BIRC5: variants seen among roughly 807,000 people sequenced by gnomAD.
BIRC5 encodes the protein baculoviral IAP repeat-containing protein 5.
BIRC5 carries 8 observed loss-of-function variants against 15.8 expected under a neutral mutation model. The ratio of observed to expected loss-of-function variants is 0.51; its 90% CI spans 0.30 to 0.91. The LOEUF (loss-of-function observed/expected upper bound fraction) is 0.91, where lower values mean the gene tolerates loss of function less well. Ranked by LOEUF, BIRC5 falls within the 40% of genes least tolerant of loss-of-function variation. BIRC5 has a pLI of 0.07. For missense variants in BIRC5, 163 were observed against 178.6 expected, an observed-to-expected ratio of 0.91 and a Z score of 0.50; for synonymous variants, 56 against 64.5, an observed-to-expected ratio of 0.87 and a Z score of 0.63.
At chr17:78,221,462 T>G (rs2076515082) in intron 3 of BIRC5, among the ~76,000 whole-genome samples, 1 of 152,128 alleles carries the variant, frequency 6.6e-6, no homozygotes, top group Non-Finnish European at 1.5e-5. Context: ...AATCTCACTC[T>G]GTCGCCCAGG....
At chr17:78,223,044 GACT>G in intron 3 of BIRC5, 2 of 589,296 alleles carry the variant, frequency 3.4e-6, no homozygotes, top group Admixed American at 1.7e-4. Context: ...GGGGTGCCTA[GACT>G]AGCTGGGGTG....
intron 3 of BIRC5, among the ~76,000 whole-genome samples, chr17:78,218,856 C>T (rs549568290): frequency 6.6e-6 from 1 of 152,218 alleles, no homozygotes; most frequent in South Asian, 2.1e-4. Context: ...ATCTGCCTGC[C>T]TCGGCCTCCC....
In BIRC5 at chr17:78,221,057, C is replaced by T. The variant is rs576987099; in HGVS notation, c.340-2408C>T. 5.3e-5 allele frequency among the ~76,000 whole-genome samples: 8 copies of T among 152,352 alleles called. No homozygotes were observed. In the South Asian group the frequency reaches 1.7e-3, roughly 32 times the overall value. On this transcript the variant is annotated intron_variant, in intron 3 of 3. Coordinates refer to ENST00000350051, the MANE Select transcript of BIRC5 (RefSeq NM_001168.3). ...CATTGGGCGCTGATTCTTGTTCCTG[C>T]TGCTGCCTCGGTGCTTAGCTTTTGA...
chr17:78,220,766 G>C (rs1458312234), intron 3 of BIRC5, among the ~76,000 whole-genome samples: 2 of 152,054 alleles, frequency 1.3e-5, no homozygotes, highest in Non-Finnish European at 2.9e-5. Flanking sequence ...CTGTCACCCA[G>C]GCTGAGTGCA....
intron 3 of BIRC5, among the ~76,000 whole-genome samples, chr17:78,222,053 T>A (rs1470803700): frequency 6.6e-6 from 1 of 151,840 alleles, no homozygotes; most frequent in Non-Finnish European, 1.5e-5. Context: ...CACAAAAAAT[T>A]AGCCAGGCAT....
chr17:78,218,787 A>G lies in BIRC5; in HGVS notation c.339+2006A>G, dbSNP rs145544639. ...CTGGCTAATTTTTTTTGGTATTTTTATTAGAGACAAGGTTTCATCATGTTG... is the reference window on the plus strand; with the variant it reads ...CTGGCTAATTTTTTTTGGTATTTTTGTTAGAGACAAGGTTTCATCATGTTG... On this transcript the variant is annotated intron_variant, in intron 3 of 3. Transcript: ENST00000350051. 4.7e-3 allele frequency among the ~76,000 whole-genome samples: 711 copies of G among 151,498 alleles called. 2 individuals carry two copies. The highest frequency in any genetic ancestry group is 8.1e-3 in the Non-Finnish European group (548 of 67,852).
rs769924826 is a variant in BIRC5, at chr17:78,216,761, G to C, written c.319G>C (p.Glu107Gln). Residue 107 changes from glutamate to glutamine, a missense_variant, in exon 3 of 4, where the codon GAA (glutamate) becomes CAA (glutamine). Glu to Gln is a conservative substitution (Grantham distance 29, BLOSUM62 2). Transcript: ENST00000350051. ...TLGEFLKLDR[E>Q]RAKNKIAKET... is the part of the protein sequence containing the mutation. ...TGGTGAATTTTTGAAACTGGACAGA[G>C]AAAGAGCCAAGAACAAAATTGTATG... 1 of 1,613,664 alleles carries C rather than the reference G, an allele frequency of 6.2e-7. No individual in the cohort carries two copies. Among genetic ancestry groups the C allele is most frequent in the Non-Finnish European group, 8.5e-7 (1 of 1,179,814 alleles).
rs900576494 is a variant in BIRC5 at position 78,224,348 on chromosome 17, G to A, written c.*794G>A. ...TGATTAGACAGGCCCAGTGAGCCGC[G>A]GGGCACATGCTGGCCGCTCCTCCCT... On this transcript the variant is annotated 3_prime_UTR_variant, in exon 4 of 4. Transcript: ENST00000350051. 1.3e-5 allele frequency: 2 copies of A among 152,188 alleles called. No homozygotes were observed. The highest frequency in any genetic ancestry group is 2.9e-5 in the Non-Finnish European group (2 of 68,062). The allele number at this position is 152,188 out of a possible 1,614,324, so 9.4% of individuals were successfully genotyped here.
chr17:78,215,238 G>A (rs17886304), intron 2 of BIRC5: 11,999 of 156,942 alleles, frequency 0.076, 664 homozygotes, highest in Middle Eastern at 0.2. Context: ...CCAACTTGGC[G>A]AAACCCCGTC....
Position 78,219,369 on chromosome 17 carries a change from GA to G in BIRC5, c.339+2589del, listed in dbSNP as rs1426769111. 3.3e-5 allele frequency among the ~76,000 whole-genome samples: 5 copies of G among 152,238 alleles called. No individual in the cohort carries two copies. The East Asian group carries it at 9.7e-4, about 29-fold the overall frequency. ...CCAGCTAACTTTTGTATTTTTAGTA[GA>G]GACAGGGTTTTGCCATGTTGGCTAA... is the stretch of plus-strand genomic sequence containing the variant. On this transcript the variant is annotated intron_variant, in intron 3 of 3. Transcript: ENST00000350051.
Position 78,224,927 on chromosome 17 carries a change from C to A in BIRC5, c.*1373C>A, listed in dbSNP as rs2661694. On this transcript the variant is annotated 3_prime_UTR_variant, in exon 4 of 4. Coordinates refer to ENST00000350051, the MANE Select transcript of BIRC5 (RefSeq NM_001168.3). Reference sequence around the variant, plus strand: ...AAATGCACTTCAGACCCACTTATTTCTGCCACATCTGAGTCGGCCTGAGAT... The same window carrying A: ...AAATGCACTTCAGACCCACTTATTTATGCCACATCTGAGTCGGCCTGAGAT... 0.23 allele frequency: 34,434 copies of A among 152,112 alleles called. 4,273 individuals carry two copies. Among genetic ancestry groups the A allele is most frequent in the Non-Finnish European group, 0.28 (18,970 of 67,972 alleles). The allele number at this position is 152,112 out of a possible 1,614,324, so 9.4% of individuals were successfully genotyped here.
chr17:78,218,266 C>CTTTA (rs144831740), intron 3 of BIRC5, among the ~76,000 whole-genome samples: 3,048 of 150,450 alleles, frequency 0.02, 42 homozygotes, highest in African/African-American at 0.038. Flanking sequence ...TGTAACTGGG[C>CTTTA]TTTATTTATT....
At chr17:78,218,046 A>C (rs2661690) in intron 3 of BIRC5, among the ~76,000 whole-genome samples, 50,451 of 151,018 alleles carry the variant, frequency 0.33, 8,808 homozygotes, top group Middle Eastern at 0.48. Context: ...CCTGAGCTCA[A>C]GGGATCCTTT....
chr17:78,218,639 G>A (rs1266988289), intron 3 of BIRC5, among the ~76,000 whole-genome samples: 2 of 146,934 alleles, frequency 1.4e-5, no homozygotes, highest in Admixed American at 1.4e-4. Flanking sequence ...GCCTTGCTCT[G>A]TCGCCCAGGC....
At chr17:78,214,889 C>T (rs1195724167) in intron 2 of BIRC5, 100 bp downstream of exon 2, 12 of 1,106,876 alleles carry the variant, frequency 1.1e-5, no homozygotes, top group Middle Eastern at 1.9e-4. Context: ...TTGCTTTCCA[C>T]CCTCATTGCT....
rs1431619815 is a variant in BIRC5, at chr17:78,225,179, G to A, written c.*1625G>A. 3 of 152,010 alleles carry A rather than the reference G, an allele frequency of 2.0e-5. No homozygotes were observed. The highest frequency in any genetic ancestry group is 2.9e-5 in the Non-Finnish European group (2 of 67,986). The allele number at this position is 152,010 out of a possible 1,614,324, so 9.4% of individuals were successfully genotyped here. On this transcript the variant is annotated 3_prime_UTR_variant, in exon 4 of 4. Coordinates refer to ENST00000350051, the MANE Select transcript of BIRC5 (RefSeq NM_001168.3). ...CATGCCAGGCGGTGATGTGGATCTC[G>A]GCTTCTGTGAGCCTGTGCTGTGGGC...
chr17:78,215,066 C>G (rs1161938837), intron 2 of BIRC5: 1 of 353,850 alleles, frequency 2.8e-6, no homozygotes, highest in African/African-American at 2.1e-5. Flanking sequence ...GTTGTGAACT[C>G]CCAGGAACGT....
Position 78,214,662 on chromosome 17 carries a change from C to G in BIRC5, c.112-18C>G, listed in dbSNP as rs995816357. 1.9e-6 allele frequency: 3 copies of G among 1,576,312 alleles called. No individual in the cohort carries two copies. The African/African-American group carries it at 4.1e-5, about 21-fold the overall frequency. On this transcript the variant is annotated intron_variant, in intron 1 of 3. Transcript: ENST00000350051. ...CCGGGCTGCCACGTCCACTCACGAG[C>G]TGTGCTGTCCCTTGCAGATGGCCGA...
chr17:78,223,121 C>T (rs1040053772), intron 3 of BIRC5: 8 of 944,306 alleles, frequency 8.5e-6, no homozygotes, highest in African/African-American at 1.7e-5. Flanking sequence ...GCCTGGACCT[C>T]GGTTTCCTCA....
Sources: allele counts gnomAD v4.1 joint callset (sites outside exome capture counted in the v4.1 genomes callset), GRCh38; gene constraint gnomAD v4.1.1; transcripts MANE v1.5; gene names NCBI Gene and HGNC (gene_info 2026-07-23, HGNC 2026-07-21).